Variants in ARFIP1 observed in about 807,000 individuals in gnomAD.
The protein encoded by ARFIP1 is ARF interacting protein 1.
Under a neutral mutation model 42.5 loss-of-function variants are expected in ARFIP1, and 24 were observed. That is an observed-to-expected ratio of 0.57 (90% CI 0.41 to 0.80). ARFIP1 has a LOEUF of 0.80. ARFIP1 is among the 30% of genes least tolerant of loss of function. The probability of loss-of-function intolerance (pLI) is 0.00; values close to 1 mark genes in which losing one functional copy is unlikely to be tolerated. For synonymous variants in ARFIP1, 141 were observed against 153.7 expected (o/e 0.92, Z 0.61); for missense variants, 354 against 434.0 (o/e 0.82, Z 1.64).
chr4:152,911,055 G>C lies in ARFIP1; in HGVS notation c.*836G>C, dbSNP rs1738809758. The C allele has an allele frequency of 6.6e-6, 1 of 152,588 alleles. No individual in the cohort carries two copies. Among genetic ancestry groups the C allele is most frequent in the African/African-American group, 2.4e-5 (1 of 41,442 alleles). The allele number at this position is 152,588 out of a possible 1,614,324, so 9.5% of individuals were successfully genotyped here. A position where few individuals can be genotyped will look rare whatever the true frequency, so the allele number is the denominator to read the frequency against. On this transcript the variant is annotated 3_prime_UTR_variant, in exon 9 of 9. Coordinates refer to ENST00000353617, the MANE Select transcript of ARFIP1 (RefSeq NM_001025595.3). The stretch of plus-strand genomic sequence containing the variant: ...TTTTTGGGTCAGTTCCATTTTGATA[G>C]AAGTGAATACATAGACAGCTTTTAT...
At chr4:152,837,231 T>C (rs1194120084) in intron 2 of ARFIP1, among the ~76,000 whole-genome samples, 1 of 152,222 alleles carries the variant, frequency 6.6e-6, no homozygotes, top group African/African-American at 2.4e-5. Flanking sequence ...ATTGTGCCAC[T>C]ATAAACATGT....
intron 2 of ARFIP1, among the ~76,000 whole-genome samples, chr4:152,846,645 T>C (rs893774986): frequency 6.6e-6 from 1 of 152,114 alleles, no homozygotes; most frequent in African/African-American, 2.4e-5. Flanking sequence ...TTAATAGAGA[T>C]AAAATTTTAT....
intron 2 of ARFIP1, among the ~76,000 whole-genome samples, chr4:152,845,931 T>A (rs1732499770): frequency 6.6e-6 from 1 of 152,158 alleles, no homozygotes; most frequent in African/African-American, 2.4e-5. Context: ...CACAGAGTCA[T>A]ACAATCAATC....
chr4:152,822,764 A>C (rs112357942), intron 1 of ARFIP1, among the ~76,000 whole-genome samples: 360 of 152,348 alleles, frequency 2.4e-3, no homozygotes, highest in African/African-American at 8.2e-3. Context: ...AAAAGAACCC[A>C]AAACCATACA....
At chr4:152,881,207 T>C (rs753696765) in intron 6 of ARFIP1, 23 bp downstream of exon 6, 1 of 1,520,710 alleles carries the variant, frequency 6.6e-7, no homozygotes, top group Non-Finnish European at 9.1e-7. Context: ...TAAATAACTA[T>C]TAGGGATGGG....
At chr4:152,860,346 T>TG (rs1733788914) in intron 2 of ARFIP1, among the ~76,000 whole-genome samples, 1 of 152,168 alleles carries the variant, frequency 6.6e-6, no homozygotes, top group Non-Finnish European at 1.5e-5. Context: ...TATATCAAAC[T>TG]GCCTCATCAA....
At chr4:152,814,186 G>C (rs1186407620) in intron 1 of ARFIP1, among the ~76,000 whole-genome samples, 1 of 150,916 alleles carries the variant, frequency 6.6e-6, no homozygotes, top group African/African-American at 2.4e-5. Flanking sequence ...ACCTCCCTGG[G>C]CTCAGGTGAT....
At chr4:152,807,496 T>A (rs1025718697) in intron 1 of ARFIP1, among the ~76,000 whole-genome samples, 1 of 152,218 alleles carries the variant, frequency 6.6e-6, no homozygotes. Context: ...GGTTTTAATT[T>A]GCATTTCCTT....
intron 5 of ARFIP1, among the ~76,000 whole-genome samples, chr4:152,875,113 G>A (rs988681385): frequency 3.9e-5 from 6 of 152,038 alleles, no homozygotes; most frequent in African/African-American, 1.2e-4. Context: ...TTTATTGGTT[G>A]TTAATTTTGG....
At position 152,788,507 on chromosome 4, in the gene ARFIP1, C is replaced by T. The variant is rs560205594; in HGVS notation, c.-10+8281C>T. On this transcript the variant is annotated intron_variant, in intron 1 of 8. Transcript: ENST00000353617. The stretch of plus-strand genomic sequence containing the variant: ...CCAGCCTGGGCAACATGGTGAAACC[C>T]CATCTCTACCAAAAATACAAAAAAT... 7.6e-3 allele frequency among the ~76,000 whole-genome samples: 1,154 copies of T among 152,174 alleles called. 20 individuals carry two copies. The highest frequency in any genetic ancestry group is 0.01 in the Non-Finnish European group (689 of 68,016).
chr4:152,793,005 A>G (rs7688908), intron 1 of ARFIP1, among the ~76,000 whole-genome samples: 5,696 of 152,166 alleles, frequency 0.037, 347 homozygotes, highest in African/African-American at 0.13. Context: ...TTGGCCTCCA[A>G]TATAACTGGT....
At chr4:152,878,238 G>C (rs1490252114) in intron 5 of ARFIP1, among the ~76,000 whole-genome samples, 2 of 152,156 alleles carry the variant, frequency 1.3e-5, no homozygotes, top group Non-Finnish European at 2.9e-5. Flanking sequence ...AGGACCACCA[G>C]CTCATTGTAA....
chr4:152,792,308 G>A (rs1731186790), intron 1 of ARFIP1, among the ~76,000 whole-genome samples: 1 of 152,006 alleles, frequency 6.6e-6, no homozygotes, highest in South Asian at 2.1e-4. Flanking sequence ...ACATTTCTTT[G>A]AAGACTCATA....
intron 2 of ARFIP1, among the ~76,000 whole-genome samples, chr4:152,843,509 C>T (rs1176556633): frequency 1.3e-5 from 2 of 152,078 alleles, no homozygotes; most frequent in Non-Finnish European, 2.9e-5. Context: ...TCTTCAGCTA[C>T]CAGGGTGGGT....
chr4:152,872,336 C>T, intron 4 of ARFIP1, 116 bp from the exon 5 acceptor site: 7 of 595,500 alleles, frequency 1.2e-5, no homozygotes, highest in Non-Finnish European at 1.9e-5. Context: ...TTTGTGGGAA[C>T]CTTTTTTTCT....
rs777781550 is a variant in ARFIP1, at chr4:152,851,524, C to CA, written c.94-12078dup. 2.6e-4 allele frequency among the ~76,000 whole-genome samples: 40 copies of CA among 152,250 alleles called. 1 individual carries two copies. The South Asian group carries it at 3.1e-3, about 12-fold the overall frequency. On this transcript the variant is annotated intron_variant, in intron 2 of 8. Transcript: ENST00000353617. ...AGAGATAAGTAGATAGTAGATCCTGCAAAACCTTGAAAACCATATTGAAGA... is the reference window on the plus strand; with the variant it reads ...AGAGATAAGTAGATAGTAGATCCTGCAAAAACCTTGAAAACCATATTGAAGA...
chr4:152,864,936 T>A (rs546347793), intron 3 of ARFIP1, among the ~76,000 whole-genome samples: 5 of 140,082 alleles, frequency 3.6e-5, no homozygotes, highest in Middle Eastern at 7.3e-3. Flanking sequence ...TTTTTTTTTT[T>A]ACTCGAGTGA....
chr4:152,852,626 C>T (rs565907354), intron 2 of ARFIP1, among the ~76,000 whole-genome samples: 1 of 148,662 alleles, frequency 6.7e-6, no homozygotes, highest in East Asian at 2.0e-4. Flanking sequence ...AGCGAGACTC[C>T]GTCTCAAAAA....
intron 1 of ARFIP1, among the ~76,000 whole-genome samples, chr4:152,789,001 T>C (rs1369685756): frequency 2.0e-5 from 3 of 151,610 alleles, no homozygotes; most frequent in Non-Finnish European, 4.4e-5. Context: ...TTTTTCTCAT[T>C]AGACTGGGTG....
Sources: allele counts gnomAD v4.1 joint callset (sites outside exome capture counted in the v4.1 genomes callset), GRCh38; gene constraint gnomAD v4.1.1; transcripts MANE v1.5; gene names NCBI Gene and HGNC (gene_info 2026-07-23, HGNC 2026-07-21).